TRIO: variants seen among roughly 807,000 people sequenced by gnomAD.
TRIO encodes trio Rho guanine nucleotide exchange factor.
Under a neutral mutation model 351.9 loss-of-function variants are expected in TRIO, and 58 were observed. The ratio of observed to expected loss-of-function variants is 0.16; its 90% CI spans 0.13 to 0.21. The LOEUF is 0.21. Among genes scored for constraint, TRIO ranks in the 10% least tolerant of loss-of-function variants. The pLI is 1.00. For synonymous variants in TRIO, 1,758 were observed against 1,595.7 expected, an observed-to-expected ratio of 1.10 and a Z score of -2.42; for missense variants, 3,201 against 4,027.8, an observed-to-expected ratio of 0.79 and a Z score of 5.56.
intron 46 of TRIO, among the ~76,000 whole-genome samples, chr5:14,484,016 G>GCACCCATCCCCTGAGAAC (rs1203027773): frequency 1.6e-3 from 235 of 151,556 alleles, no homozygotes; most frequent in Middle Eastern, 0.014. Flanking sequence ...CCCCTGCACT[G>GCACCCATCCCCTGAGAAC]CACCCATCCC....
intron 11 of TRIO, among the ~76,000 whole-genome samples, chr5:14,352,819 CG>C (rs1383743729): frequency 6.6e-6 from 1 of 151,974 alleles, no homozygotes; most frequent in Non-Finnish European, 1.5e-5. Context: ...CACCAGCCAG[CG>C]GGAGGATGAG....
At chr5:14,243,796 T>A (rs1434698602) in intron 1 of TRIO, among the ~76,000 whole-genome samples, 1 of 152,234 alleles carries the variant, frequency 6.6e-6, no homozygotes, top group African/African-American at 2.4e-5. Context: ...GTATGATCCA[T>A]TTTTGGTATA....
chr5:14,195,210 T>G (rs1008265511), intron 1 of TRIO, among the ~76,000 whole-genome samples: 18 of 152,216 alleles, frequency 1.2e-4, no homozygotes, highest in Non-Finnish European at 2.5e-4. Flanking sequence ...CTTTAGTCTT[T>G]TTTAGTCTGG....
intron 21 of TRIO, among the ~76,000 whole-genome samples, chr5:14,382,348 G>A (rs1746177849): frequency 6.6e-6 from 1 of 152,156 alleles, no homozygotes; most frequent in African/African-American, 2.4e-5. Flanking sequence ...GACTCCTCCT[G>A]CTCTTCTTTG....
chr5:14,474,716 G>A (rs559173811), intron 40 of TRIO, among the ~76,000 whole-genome samples: 1 of 152,256 alleles, frequency 6.6e-6, no homozygotes, highest in African/African-American at 2.4e-5. Flanking sequence ...AAACTGGAGT[G>A]TAATAGTGCG....
intron 2 of TRIO, among the ~76,000 whole-genome samples, chr5:14,273,317 G>T (rs566987923): frequency 6.6e-6 from 1 of 152,124 alleles, no homozygotes; most frequent in Admixed American, 6.5e-5. Context: ...GATAAACCCC[G>T]TGATAATTTC....
rs1163005218 is a variant in TRIO, at chr5:14,378,444, T to TA, written c.3447+318dup. On this transcript the variant is annotated intron_variant, in intron 20 of 56. Coordinates refer to ENST00000344204, the MANE Select transcript of TRIO (RefSeq NM_007118.4). Reference sequence around the variant, plus strand: ...AATCTTGGTTCTGTACTTAGGTAAATATGATGGATTTTTTTTTATATTGAT... The same window carrying TA: ...AATCTTGGTTCTGTACTTAGGTAAATAATGATGGATTTTTTTTTATATTGAT... Among the ~76,000 whole-genome samples, 5 of 152,312 alleles carry TA rather than the reference T, an allele frequency of 3.3e-5. No individual in the cohort carries two copies. In the East Asian group the frequency reaches 9.6e-4, roughly 29 times the overall value.
chr5:14,162,060 C>T (rs189667267), intron 1 of TRIO, among the ~76,000 whole-genome samples: 5 of 152,278 alleles, frequency 3.3e-5, no homozygotes, highest in African/African-American at 1.2e-4. Context: ...TAGGAACCAC[C>T]GAGTTATGCC....
intron 1 of TRIO, among the ~76,000 whole-genome samples, chr5:14,254,125 A>C (rs922969703): frequency 1.3e-5 from 2 of 152,226 alleles, no homozygotes; most frequent in East Asian, 3.8e-4. Flanking sequence ...AGAATAGTAA[A>C]GTAAGTAATA....
intron 33 of TRIO, among the ~76,000 whole-genome samples, chr5:14,412,289 C>T (rs762858175): frequency 3.9e-5 from 6 of 152,160 alleles, no homozygotes; most frequent in Non-Finnish European, 5.9e-5. Context: ...TGCCCGGCCA[C>T]GGTTCCGTGT....
chr5:14,477,727 G>A (rs1204243074), intron 41 of TRIO, among the ~76,000 whole-genome samples: 1 of 152,184 alleles, frequency 6.6e-6, no homozygotes, highest in African/African-American at 2.4e-5. Flanking sequence ...CGAGGCTCCT[G>A]CAGCCATGCG....
rs115286639 is a variant in TRIO, at chr5:14,339,855, G to A, written c.2046+3128G>A. 4.0e-3 allele frequency among the ~76,000 whole-genome samples: 607 copies of A among 152,290 alleles called. 6 individuals carry two copies. The highest frequency in any genetic ancestry group is 0.014 in the African/African-American group (570 of 41,542). ...GGAAAGAATGGTTTCTTCAGTCATCGTATTTTGAAGCTGGTTATTGAATGA... is the reference window on the plus strand; with the variant it reads ...GGAAAGAATGGTTTCTTCAGTCATCATATTTTGAAGCTGGTTATTGAATGA... On this transcript the variant is annotated intron_variant, in intron 11 of 56. Transcript: ENST00000344204.
At chr5:14,241,398 GAT>G (rs1794120481) in intron 1 of TRIO, among the ~76,000 whole-genome samples, 1 of 152,180 alleles carries the variant, frequency 6.6e-6, no homozygotes, top group Non-Finnish European at 1.5e-5. Flanking sequence ...TGTTTGGTAA[GAT>G]CATACAATTT....
chr5:14,454,170 C>G (rs567017131), intron 34 of TRIO, among the ~76,000 whole-genome samples: 52 of 152,300 alleles, frequency 3.4e-4, no homozygotes, highest in South Asian at 2.3e-3. Context: ...CTCAAGTGAT[C>G]CACCTGCATC....
chr5:14,255,913 G>A (rs1347938880), intron 1 of TRIO, among the ~76,000 whole-genome samples: 3 of 152,116 alleles, frequency 2.0e-5, no homozygotes, highest in African/African-American at 7.2e-5. Context: ...TTTATATAAA[G>A]CTCAAAAATA....
At chr5:14,444,353 G>C (rs888457848) in intron 34 of TRIO, among the ~76,000 whole-genome samples, 1 of 152,186 alleles carries the variant, frequency 6.6e-6, no homozygotes. Context: ...GGATTGTTTC[G>C]ACTGTGAAGA....
At chr5:14,144,425 C>T (rs1787367825) in intron 1 of TRIO, among the ~76,000 whole-genome samples, 1 of 152,210 alleles carries the variant, frequency 6.6e-6, no homozygotes, top group South Asian at 2.1e-4. Context: ...CCTGTCATCT[C>T]CCCGGCCTTG....
chr5:14,444,412 C>T (rs998792375), intron 34 of TRIO, among the ~76,000 whole-genome samples: 3 of 152,166 alleles, frequency 2.0e-5, no homozygotes, highest in East Asian at 3.8e-4. Context: ...TATCTCAAAT[C>T]GTTTTTTGCC....
intron 14 of TRIO, 33 bp from the exon 15 acceptor site, chr5:14,364,617 C>T (rs114634082): frequency 0.019 from 29,791 of 1,579,160 alleles, 374 homozygotes; most frequent in Non-Finnish European, 0.021. Context: ...GAAGTGCTAG[C>T]TGAATTCTAG....
Sources: allele counts gnomAD v4.1 joint callset (sites outside exome capture counted in the v4.1 genomes callset), GRCh38; gene constraint gnomAD v4.1.1; transcripts MANE v1.5; gene names NCBI Gene and HGNC (gene_info 2026-07-23, HGNC 2026-07-21).